ANKRD60: variants seen among roughly 807,000 people sequenced by gnomAD.
ANKRD60 encodes the protein ankyrin repeat domain 60.
A neutral mutation model predicts 21.3 loss-of-function variants in ANKRD60; 24 were observed. The observed-to-expected ratio is 1.13, with a 90% confidence interval of 0.82 to 1.59. ANKRD60 has a LOEUF of 1.59. ANKRD60 is among the 40% of genes most tolerant of loss of function. The pLI, the probability that ANKRD60 is intolerant of heterozygous loss-of-function variation, is 0.00. For missense variants in ANKRD60, 490 were observed against 466.7 expected (o/e 1.05, Z -0.46); for synonymous variants, 182 against 199.4 (o/e 0.91, Z 0.74).
intron 2 of ANKRD60, among the ~76,000 whole-genome samples, chr20:58,222,362 C>T (rs763058417): frequency 6.6e-6 from 1 of 152,292 alleles, no homozygotes; most frequent in African/African-American, 2.4e-5. Flanking sequence ...CTTCCAAGAG[C>T]GCCAATCCCA....
At chr20:58,218,588 C>G (rs1984179793) in exon 4 of ANKRD60, 2 of 1,551,784 alleles carry the variant, frequency 1.3e-6, no homozygotes, top group Admixed American at 3.9e-5. Context: ...GATCCCTTAT[C>G]CCCGACTTTG....
downstream of ANKRD60, among the ~76,000 whole-genome samples, chr20:58,218,191 G>A (rs530313431): frequency 3.3e-5 from 5 of 152,278 alleles, no homozygotes; most frequent in African/African-American, 1.2e-4. Context: ...CCCCAGAAGG[G>A]AGAGAAGGTA....
Position 58,228,231 on chromosome 20 carries a change from G to A in ANKRD60, c.423C>T (p.Leu141=), listed in dbSNP as rs1984404735. 1 of 1,547,748 alleles carries A rather than the reference G, an allele frequency of 6.5e-7. No homozygotes were observed. The highest frequency in any genetic ancestry group is 2.5e-5 in the East Asian group (1 of 40,742). Reference sequence around the variant, plus strand: ...AGTCAGGGCAGGAGCCACCTTCGTCGAGGTACTGGAGCCGCTGGAGGTTGA... The same window carrying A: ...AGTCAGGGCAGGAGCCACCTTCGTCAAGGTACTGGAGCCGCTGGAGGTTGA... The change falls in exon 1 of 4, where the codon CTC becomes CTT. Residue 141 remains leucine, a synonymous_variant. Transcript: ENST00000457363. This position sits in a 1 kb window ranked among gnomAD's most constrained non-coding sequence, Gnocchi z 5.3.
exon 4 of ANKRD60, chr20:58,218,745 A>G (rs780941157): frequency 8.4e-6 from 13 of 1,551,394 alleles, no homozygotes; most frequent in Non-Finnish European, 1.1e-5. Context: ...TGACCGGCCC[A>G]TAGCTGCAGC....
At chr20:58,223,266 C>T (rs914480567) in intron 1 of ANKRD60, 84 bp from the exon 2 acceptor site, 391 of 1,126,060 alleles carry the variant, frequency 3.5e-4, no homozygotes, top group Admixed American at 1.5e-3. Flanking sequence ...GATTATCTGA[C>T]CTTGAGTGCC....
exon 4 of ANKRD60, chr20:58,218,655 G>A (rs1984182636): frequency 1.9e-6 from 3 of 1,551,668 alleles, no homozygotes; most frequent in Non-Finnish European, 2.6e-6. Context: ...CAGGCGGTGT[G>A]CAATGGAGAT....
downstream of ANKRD60, among the ~76,000 whole-genome samples, chr20:58,216,826 C>T (rs1288383672): frequency 6.6e-6 from 1 of 152,178 alleles, no homozygotes; most frequent in African/African-American, 2.4e-5. Context: ...CTGCAATGGT[C>T]ACAAGACTAC....
At chr20:58,221,741 G>A (rs529100423) in intron 2 of ANKRD60, among the ~76,000 whole-genome samples, 50 of 152,234 alleles carry the variant, frequency 3.3e-4, no homozygotes, top group East Asian at 1.2e-3. Context: ...AGTCAGGCTC[G>A]GAACACAGGA....
intron 1 of ANKRD60, among the ~76,000 whole-genome samples, chr20:58,226,695 G>A (rs1056821673): frequency 1.3e-5 from 2 of 152,156 alleles, no homozygotes; most frequent in African/African-American, 4.8e-5. Flanking sequence ...GGGTCCTGCT[G>A]TGGACAGAGT....
In ANKRD60 at chr20:58,228,420, A is replaced by T; in HGVS notation, c.234T>A (p.Cys78Ter). 1 of 1,541,678 alleles carries T rather than the reference A, an allele frequency of 6.5e-7. No homozygotes were observed. Among genetic ancestry groups the T allele is most frequent in the Non-Finnish European group, 8.7e-7 (1 of 1,146,096 alleles). Residue 78 changes from cysteine to a stop codon, truncating the protein, a stop_gained, in exon 1 of 4, where the codon TGT (cysteine) becomes TGA (stop). Transcript: ENST00000457363. LOFTEE classifies it high-confidence loss of function. This position sits in a 1 kb window ranked among gnomAD's most constrained non-coding sequence, Gnocchi z 5.3. ...GCAAGGCACTCGCGGCCTTCGGGTC[A>T]CAGACGAGCCGCTGGCTCCGGCCGC... is the stretch of plus-strand genomic sequence containing the variant.
At position 58,219,655 on chromosome 20, in the gene ANKRD60, T is replaced by C. The variant is rs138012661; in HGVS notation, c.728-850A>G. 1.6e-4 allele frequency among the ~76,000 whole-genome samples: 24 copies of C among 152,284 alleles called. No individual in the cohort carries two copies. In the East Asian group the frequency reaches 2.9e-3, roughly 18 times the overall value. On this transcript the variant is annotated intron_variant, in intron 3 of 3. Coordinates refer to ENST00000457363, the Ensembl canonical transcript of ANKRD60. ...AAATATGACACAGAAAACAAGGCAATTCAATTAAATTCAGCTGACATTTCA... is the reference window on the plus strand; with the variant it reads ...AAATATGACACAGAAAACAAGGCAACTCAATTAAATTCAGCTGACATTTCA...
downstream of ANKRD60, among the ~76,000 whole-genome samples, chr20:58,217,104 G>A (rs947979274): frequency 7.9e-5 from 12 of 152,154 alleles, no homozygotes; most frequent in South Asian, 4.1e-4. Flanking sequence ...AGCAGACCAC[G>A]TTCTTCAAAA....
At chr20:58,221,272 A>T (rs2069052950) in intron 3 of ANKRD60, 66 bp downstream of exon 3, 4 of 1,488,882 alleles carry the variant, frequency 2.7e-6, no homozygotes, top group Non-Finnish European at 3.6e-6. Context: ...AACACAAGAC[A>T]CTCTGTCCTT....
intron 1 of ANKRD60, among the ~76,000 whole-genome samples, chr20:58,224,537 C>G (rs547887281): frequency 6.6e-6 from 1 of 152,346 alleles, no homozygotes; most frequent in South Asian, 2.1e-4. Context: ...CTGCTTCCCT[C>G]CAGGGCCACT....
intron 1 of ANKRD60, among the ~76,000 whole-genome samples, chr20:58,227,725 G>C (rs1330426627): frequency 6.6e-6 from 1 of 152,172 alleles, no homozygotes; most frequent in Non-Finnish European, 1.5e-5. Context: ...CATGGAGGAG[G>C]ACTTGGGGTT....
chr20:58,216,655 C>T (rs956940767), downstream of ANKRD60, among the ~76,000 whole-genome samples: 4 of 152,228 alleles, frequency 2.6e-5, no homozygotes, highest in African/African-American at 9.6e-5. Context: ...GAGCTGGGTA[C>T]AGCCACGTAC....
At chr20:58,223,242 T>C in intron 1 of ANKRD60, 60 bp from the exon 2 acceptor site, 1 of 1,396,002 alleles carries the variant, frequency 7.2e-7, no homozygotes, top group Non-Finnish European at 9.7e-7. Flanking sequence ...ACTACTACAT[T>C]GGTTAAGTTA....
rs1470929253 is a variant in ANKRD60, at chr20:58,223,170, T to A, written c.443A>T (p.Asp148Val). ...ATCATGGAACTTCAGGGTAGTGTCA[T>A]CCATCAAAACTCCTGCAGGGAAAAA... The change falls in exon 2 of 4, where the codon GAT (aspartate) becomes GTT (valine). Residue 148 changes from aspartate to valine, a missense_variant. Transcript: ENST00000457363. 7.1e-6 allele frequency: 11 copies of A among 1,545,996 alleles called. No individual in the cohort carries two copies. In the East Asian group the frequency reaches 2.4e-4, roughly 34 times the overall value.
At chr20:58,221,406 G>T (rs973043326) in exon 3 of ANKRD60, 1 of 1,552,302 alleles carries the variant, frequency 6.4e-7, no homozygotes, top group Admixed American at 2.0e-5. Flanking sequence ...CGCCACAAAC[G>T]CCCTCTGAGA....
Sources: gnomAD v4.1 joint callset for allele counts (sites outside exome capture counted in the v4.1 genomes callset) on GRCh38, gnomAD v4.1.1 for gene constraint, Gnocchi (gnomAD v3.1) non-coding constraint, MANE v1.5 for transcripts, NCBI Gene and HGNC (gene_info 2026-07-23, HGNC 2026-07-21) for gene names.